The following SLC1A3 variants were observed in gnomAD, a reference collection of about 807,000 sequenced individuals.
The protein encoded by SLC1A3 is excitatory amino acid transporter 1.
Under a neutral mutation model 48.1 loss-of-function variants are expected in SLC1A3, and 21 were observed. That is an observed-to-expected ratio of 0.44 (90% confidence interval 0.31 to 0.63). The LOEUF (loss-of-function observed/expected upper bound fraction) is 0.63, where lower values mean the gene tolerates loss of function less well. Ranked by LOEUF, SLC1A3 falls within the 20% of genes least tolerant of loss-of-function variation. The pLI is 0.08. For missense variants in SLC1A3, 546 were observed against 689.0 expected, an observed-to-expected ratio of 0.79 and a Z score of 2.32; for synonymous variants, 239 against 251.4, an observed-to-expected ratio of 0.95 and a Z score of 0.47.
rs183387278 is a variant in SLC1A3 at position 36,646,841 on chromosome 5, G to T, written c.319+17254G>T. 2.8e-3 allele frequency among the ~76,000 whole-genome samples: 426 copies of T among 152,316 alleles called. 4 individuals are homozygous for T. The South Asian group carries it at 0.03, about 11-fold the overall frequency. Reference sequence around the variant, plus strand: ...ATAGTACCCACAAATAATGTTCAAAGAGCTATTTTTGAGGAAAGGATTCCT... The same window carrying T: ...ATAGTACCCACAAATAATGTTCAAATAGCTATTTTTGAGGAAAGGATTCCT... On this transcript the variant is annotated intron_variant, in intron 3 of 9. Coordinates refer to ENST00000265113, the MANE Select transcript of SLC1A3 (RefSeq NM_004172.5).
At chr5:36,599,062 AAC>A (rs1345655908) in intron 1 of SLC1A3, among the ~76,000 whole-genome samples, 1 of 152,238 alleles carries the variant, frequency 6.6e-6, no homozygotes, top group Admixed American at 6.5e-5. Flanking sequence ...ATGTATACAT[AAC>A]ACATAAAACA....
At chr5:36,644,814 A>T (rs1370406526) in intron 3 of SLC1A3, among the ~76,000 whole-genome samples, 2 of 152,184 alleles carry the variant, frequency 1.3e-5, no homozygotes, top group African/African-American at 4.8e-5. Flanking sequence ...TGGGTCAGTG[A>T]TCAGGTATCT....
intron 3 of SLC1A3, among the ~76,000 whole-genome samples, chr5:36,652,344 AC>A (rs1258310325): frequency 6.6e-6 from 1 of 152,048 alleles, no homozygotes; most frequent in East Asian, 1.9e-4. Context: ...ACACACACAC[AC>A]AACATTCACT....
chr5:36,680,264 C>T, intron 7 of SLC1A3, 131 bp from the exon 8 acceptor site: 1 of 787,318 alleles, frequency 1.3e-6, no homozygotes, highest in Non-Finnish European at 2.2e-6. Flanking sequence ...CCTATTTATA[C>T]AATTGCTGAC....
At chr5:36,636,495 CTT>C (rs1274666599) in intron 3 of SLC1A3, 18,201 of 114,060 alleles carry the variant, frequency 0.16, 1,409 homozygotes, top group South Asian at 0.24. Context: ...TTCTTTCTTT[CTT>C]TCTTTCTTTT....
At chr5:36,633,586 G>A (rs1454769396) in intron 3 of SLC1A3, among the ~76,000 whole-genome samples, 2 of 152,206 alleles carry the variant, frequency 1.3e-5, no homozygotes, top group Non-Finnish European at 2.9e-5. Context: ...TATGTTGGGT[G>A]CTGAGGAGAG....
chr5:36,640,442 C>G (rs560194740), intron 3 of SLC1A3, among the ~76,000 whole-genome samples: 1 of 152,348 alleles, frequency 6.6e-6, no homozygotes, highest in Non-Finnish European at 1.5e-5. Flanking sequence ...CTCAACCGGA[C>G]TGCCTCATAT....
upstream of SLC1A3, among the ~76,000 whole-genome samples, chr5:36,602,282 A>G (rs898409928): frequency 1.1e-4 from 17 of 152,252 alleles, no homozygotes; most frequent in African/African-American, 2.7e-4. Context: ...GATCCCCAGC[A>G]TATTACTCAA....
rs191675249 is a variant in SLC1A3 at position 36,611,379 on chromosome 5, A to G, written c.181+2775A>G. Among the ~76,000 whole-genome samples the G allele has an allele frequency of 6.7e-5, 10 of 148,608 alleles. No homozygotes were observed. In the East Asian group the frequency reaches 1.6e-3, roughly 23 times the overall value. Reference sequence around the variant, plus strand: ...TTTTTGCCTTTTTGAAATAAAATGTATATGATTTAATGTGTAGAAGTGGAA... The same window carrying G: ...TTTTTGCCTTTTTGAAATAAAATGTGTATGATTTAATGTGTAGAAGTGGAA... On this transcript the variant is annotated intron_variant, in intron 2 of 9. Transcript: ENST00000265113.
chr5:36,617,909 C>A (rs1739511800), intron 2 of SLC1A3, among the ~76,000 whole-genome samples: 1 of 152,154 alleles, frequency 6.6e-6, no homozygotes. Flanking sequence ...ATTGCTGGGT[C>A]TAAAGGTATA....
At chr5:36,649,489 T>C (rs1740973216) in intron 3 of SLC1A3, 1 of 152,198 alleles carries the variant, frequency 6.6e-6, no homozygotes, top group South Asian at 2.1e-4. Context: ...CTGACAAGAC[T>C]AAGATTAAAA....
chr5:36,608,263 T>C (rs1477782450), intron 1 of SLC1A3, 66 bp from the exon 2 acceptor site: 1 of 635,028 alleles, frequency 1.6e-6, no homozygotes, highest in African/African-American at 1.8e-5. Flanking sequence ...GCTTGCCTGG[T>C]GTGGAGCAGC....
At chr5:36,633,356 G>A (rs1177793008) in intron 3 of SLC1A3, among the ~76,000 whole-genome samples, 3 of 152,194 alleles carry the variant, frequency 2.0e-5, no homozygotes, top group Admixed American at 2.0e-4. Flanking sequence ...TCTCTGTGGT[G>A]TTGGGCATGA....
At position 36,686,705 on chromosome 5, in the gene SLC1A3, G is replaced by A. The variant is rs979714048; in HGVS notation, c.*436G>A. 3.4e-5 allele frequency: 9 copies of A among 262,698 alleles called. No homozygotes were observed. The highest frequency in any genetic ancestry group is 1.6e-4 in the African/African-American group (7 of 43,402). 16.3% of individuals were successfully genotyped at this position (262,698 alleles called of 1,614,324 possible). A position where few individuals can be genotyped will look rare whatever the true frequency, so the allele number is the denominator to read the frequency against. ...AATGTTAACAACTTGAATTACAACCGGTTATCAGTTGGACAGTAAGATTTT... is the reference window on the plus strand; with the variant it reads ...AATGTTAACAACTTGAATTACAACCAGTTATCAGTTGGACAGTAAGATTTT... On this transcript the variant is annotated 3_prime_UTR_variant, in exon 10 of 10. Transcript: ENST00000265113.
At position 36,655,995 on chromosome 5, in the gene SLC1A3, G is replaced by T. The variant is rs190304290; in HGVS notation, c.320-15034G>T. On this transcript the variant is annotated intron_variant, in intron 3 of 9. Transcript: ENST00000265113. ...CTCAGTAATCAGATAAATAAGATGTGATTTACATCAGAAGCTGTAAATGAC... is the reference window on the plus strand; with the variant it reads ...CTCAGTAATCAGATAAATAAGATGTTATTTACATCAGAAGCTGTAAATGAC... Among the ~76,000 whole-genome samples the T allele has an allele frequency of 3.9e-4, 59 of 152,256 alleles. No individual in the cohort carries two copies. The South Asian group carries it at 5.8e-3, about 15-fold the overall frequency.
chr5:36,683,808 G>C, intron 8 of SLC1A3, 56 bp from the exon 9 acceptor site: 1 of 1,606,420 alleles, frequency 6.2e-7, no homozygotes, highest in East Asian at 2.2e-5. Context: ...CAGCGTATAT[G>C]CTCTACGTGG....
intron 2 of SLC1A3, among the ~76,000 whole-genome samples, chr5:36,617,665 T>C (rs1739499157): frequency 6.6e-6 from 1 of 152,150 alleles, no homozygotes; most frequent in Non-Finnish European, 1.5e-5. Context: ...ATAGTATACA[T>C]AGCCCACTTT....
Position 36,686,585 on chromosome 5 carries a change from A to G in SLC1A3, c.*316A>G, listed in dbSNP as rs1561289223. On this transcript the variant is annotated 3_prime_UTR_variant, in exon 10 of 10. Transcript: ENST00000265113. Reference sequence around the variant, plus strand: ...AATCCTATAAATGTGATTTTTTTATATAAGTTAAAGAGACAAATAGTAGGC... The same window carrying G: ...AATCCTATAAATGTGATTTTTTTATGTAAGTTAAAGAGACAAATAGTAGGC... 3 of 332,438 alleles carry G rather than the reference A, an allele frequency of 9.0e-6. No homozygotes were observed. The South Asian group carries it at 1.1e-4, about 12-fold the overall frequency. The allele number at this position is 332,438 out of a possible 1,614,324, so 20.6% of individuals were successfully genotyped here.
rs941749411 is a variant in SLC1A3 at position 36,609,252 on chromosome 5, C to G, written c.181+648C>G. ...CTAATTTAGCAGGGTTGACAGCAAT[C>G]TGTACTAATAAAATATTATTGTTTT... On this transcript the variant is annotated intron_variant, in intron 2 of 9. Coordinates refer to ENST00000265113, the MANE Select transcript of SLC1A3 (RefSeq NM_004172.5). 2.0e-5 allele frequency: 19 copies of G among 940,222 alleles called. No homozygotes were observed. The African/African-American group carries it at 3.4e-4, about 17-fold the overall frequency. The allele number at this position is 940,222 out of a possible 1,614,324, so 58.2% of individuals were successfully genotyped here.
Sources: gnomAD v4.1 joint callset for allele counts (sites outside exome capture counted in the v4.1 genomes callset) on GRCh38, gnomAD v4.1.1 for gene constraint, MANE v1.5 for transcripts, NCBI Gene and HGNC (gene_info 2026-07-23, HGNC 2026-07-21) for gene names.